Variants in DISP1 observed in about 807,000 individuals in gnomAD.
The protein encoded by DISP1 is protein dispatched homolog 1.
DISP1 carries 30 observed loss-of-function variants against 37.3 expected under a neutral mutation model. The observed-to-expected ratio is 0.80, with a 90% CI of 0.60 to 1.09. The LOEUF (loss-of-function observed/expected upper bound fraction) is 1.09, where lower values mean the gene tolerates loss of function less well. Ranked by LOEUF, DISP1 falls within the 50% of genes least tolerant of loss-of-function variation. DISP1 has a pLI of 0.00. For synonymous variants in DISP1, 634 were observed against 690.2 expected (o/e 0.92, Z 1.28); for missense variants, 1,598 against 1,879.5 (o/e 0.85, Z 2.77).
intron 3 of DISP1, among the ~76,000 whole-genome samples, chr1:222,982,072 T>C (rs1380471814): frequency 6.6e-6 from 1 of 152,224 alleles, no homozygotes; most frequent in East Asian, 1.9e-4. Context: ...AAATAACACA[T>C]TTTGTGAATA....
intron 7 of DISP1, among the ~76,000 whole-genome samples, chr1:222,993,869 C>T (rs750246286): frequency 3.0e-4 from 45 of 152,078 alleles, no homozygotes; most frequent in Non-Finnish European, 6.0e-4. Flanking sequence ...TCAGTTTCTA[C>T]CAGGCTGATT....
chr1:222,906,624 G>A (rs1180194710), intron 1 of DISP1, among the ~76,000 whole-genome samples: 2 of 152,220 alleles, frequency 1.3e-5, no homozygotes, highest in Non-Finnish European at 2.9e-5. Context: ...ACTCCCACCA[G>A]CGCCATGACA....
At chr1:222,987,347 A>T (rs555782608) in intron 4 of DISP1, among the ~76,000 whole-genome samples, 1 of 152,186 alleles carries the variant, frequency 6.6e-6, no homozygotes, top group Non-Finnish European at 1.5e-5. Flanking sequence ...GCTTTCCCCC[A>T]TGGTGTTTTA....
In DISP1 at chr1:222,840,292, A is replaced by G. The variant is rs189867232; in HGVS notation, c.-159+25214A>G. ...AGTCTCACTCTGTCACCCAGGCTGGAGTGCAGTGGCATGATCTCGGCTTAC... is the reference window on the plus strand; with the variant it reads ...AGTCTCACTCTGTCACCCAGGCTGGGGTGCAGTGGCATGATCTCGGCTTAC... On this transcript the variant is annotated intron_variant, in intron 1 of 8. Coordinates refer to ENST00000675850, the MANE Select transcript of DISP1 (RefSeq NM_001377229.1). 3.3e-5 allele frequency among the ~76,000 whole-genome samples: 5 copies of G among 152,244 alleles called. No individual in the cohort carries two copies. The East Asian group carries it at 9.7e-4, about 30-fold the overall frequency.
At chr1:222,992,609 C>T (rs1204419411) in intron 7 of DISP1, among the ~76,000 whole-genome samples, 2 of 152,120 alleles carry the variant, frequency 1.3e-5, no homozygotes, top group African/African-American at 4.8e-5. Context: ...TACCTCATCA[C>T]TAGGCAGTAG....
intron 1 of DISP1, among the ~76,000 whole-genome samples, chr1:222,832,646 GCA>G (rs1267731110): frequency 6.6e-6 from 1 of 152,112 alleles, no homozygotes; most frequent in East Asian, 1.9e-4. Context: ...TATAATCCTA[GCA>G]CTTTGGGAGG....
Position 223,002,381 on chromosome 1 carries a change from G to A in DISP1, c.988-4G>A. On this transcript the variant is annotated splice_polypyrimidine_tract_variant and splice_region_variant and intron_variant, in intron 8 of 8. Transcript: ENST00000675850. ...AGTCCTTCTGCTTGTCTCTATCTCT[G>A]CAGATCAGATCTCATCCCCAGTTTG... The A allele has an allele frequency of 6.2e-7, 1 of 1,613,484 alleles. No homozygotes were observed. The highest frequency in any genetic ancestry group is 8.5e-7 in the Non-Finnish European group (1 of 1,179,684).
chr1:222,901,659 C>T (rs1381041416), intron 1 of DISP1, among the ~76,000 whole-genome samples: 1 of 152,136 alleles, frequency 6.6e-6, no homozygotes, highest in South Asian at 2.1e-4. Context: ...TTCTGAGTAG[C>T]TGGGATTGCA....
chr1:222,884,838 A>ATTAT (rs947133528), intron 1 of DISP1, among the ~76,000 whole-genome samples: 1 of 151,914 alleles, frequency 6.6e-6, no homozygotes. Flanking sequence ...ATGACTTTTT[A>ATTAT]TTATTTATTT....
At chr1:222,984,421 A>AAAAATATAT (rs1553254646) in intron 4 of DISP1, among the ~76,000 whole-genome samples, 2 of 105,798 alleles carry the variant, frequency 1.9e-5, no homozygotes, top group African/African-American at 7.8e-5. Context: ...AAAAAAAAAA[A>AAAAATATAT]ATATATATAT....
intron 1 of DISP1, among the ~76,000 whole-genome samples, chr1:222,883,642 A>G: frequency 6.6e-6 from 1 of 152,140 alleles, no homozygotes; most frequent in South Asian, 2.1e-4. Flanking sequence ...TAAAGATTAT[A>G]CATTGTTTAG....
intron 1 of DISP1, among the ~76,000 whole-genome samples, chr1:222,864,180 C>T (rs891177292): frequency 6.6e-6 from 1 of 152,188 alleles, no homozygotes. Context: ...AGTTTCTCTC[C>T]ATATTCACAA....
chr1:222,945,109 G>T (rs577521110), intron 3 of DISP1, among the ~76,000 whole-genome samples: 1 of 152,274 alleles, frequency 6.6e-6, no homozygotes, highest in East Asian at 1.9e-4. Context: ...AGATTATCTG[G>T]TTACACTCTT....
At chr1:222,903,459 A>C (rs891300197) in intron 1 of DISP1, among the ~76,000 whole-genome samples, 2 of 151,786 alleles carry the variant, frequency 1.3e-5, no homozygotes, top group African/African-American at 4.8e-5. Flanking sequence ...TAAAAAAAAA[A>C]GAAATGGGTA....
Position 222,942,903 on chromosome 1 carries a change from C to T in DISP1, c.80C>T (p.Pro27Leu). 1.2e-6 allele frequency: 2 copies of T among 1,614,090 alleles called. No homozygotes were observed. Among genetic ancestry groups the T allele is most frequent in the Non-Finnish European group, 1.7e-6 (2 of 1,180,012 alleles). The change falls in exon 3 of 9, where the codon CCC becomes CTC. Residue 27 changes from proline (P) to leucine (L), a missense_variant. By Grantham distance (98) the Pro-to-Leu change is moderately conservative (BLOSUM62 -3). Coordinates refer to ENST00000675850, the MANE Select transcript of DISP1 (RefSeq NM_001377229.1). Reference protein sequence around the residue: ...SIATSAANPSPLTPCDGDHAA... With the variant: ...SIATSAANPSLLTPCDGDHAA... ...GCAACCAGTGCTGCTAACCCGAGTC[C>T]CCTCACCCCCTGTGATGGAGACCAT... is the stretch of plus-strand genomic sequence containing the variant.
chr1:222,853,223 G>C (rs779331634), intron 1 of DISP1, among the ~76,000 whole-genome samples: 1 of 152,150 alleles, frequency 6.6e-6, no homozygotes, highest in Non-Finnish European at 1.5e-5. Flanking sequence ...CCACCGTTAG[G>C]ATGGCTGTTA....
intron 2 of DISP1, among the ~76,000 whole-genome samples, chr1:222,932,645 T>G (rs1673473944): frequency 6.6e-6 from 1 of 151,994 alleles, no homozygotes; most frequent in Non-Finnish European, 1.5e-5. Context: ...TTAATGGAAT[T>G]TAAACTCATC....
chr1:222,835,499 A>G (rs1019697874), intron 1 of DISP1, among the ~76,000 whole-genome samples: 3 of 152,244 alleles, frequency 2.0e-5, no homozygotes, highest in Non-Finnish European at 2.9e-5. Flanking sequence ...TTTTTCCCAA[A>G]TGATTTTAAA....
chr1:222,834,017 G>A lies in DISP1; in HGVS notation c.-159+18939G>A, dbSNP rs868401615. 2.6e-4 allele frequency among the ~76,000 whole-genome samples: 40 copies of A among 152,278 alleles called. No homozygotes were observed. The Middle Eastern group carries it at 0.01, about 39-fold the overall frequency. On this transcript the variant is annotated intron_variant, in intron 1 of 8. Coordinates refer to ENST00000675850, the MANE Select transcript of DISP1 (RefSeq NM_001377229.1). ...TGGTGAGTCTTTGGAGGCACATAGT[G>A]TGTCTTAAGTATCATTTGGAGCAAC...
Sources: allele counts gnomAD v4.1 joint callset (sites outside exome capture counted in the v4.1 genomes callset), GRCh38; gene constraint gnomAD v4.1.1; transcripts MANE v1.5; gene names NCBI Gene and HGNC (gene_info 2026-07-23, HGNC 2026-07-21).